Variants in TRAPPC9 observed in about 807,000 individuals in gnomAD.
TRAPPC9 encodes the protein IKK2 binding protein.
In TRAPPC9, 83 loss-of-function variants were observed where a neutral mutation model predicts 124.0. The ratio of observed to expected loss-of-function variants is 0.67; its 90% confidence interval spans 0.56 to 0.80. The LOEUF is 0.80. Ranked by LOEUF, TRAPPC9 falls within the 30% of genes least tolerant of loss-of-function variation. TRAPPC9 has a pLI of 0.00. For synonymous variants in TRAPPC9, 638 were observed against 617.5 expected (o/e 1.03, Z -0.49); for missense variants, 1,302 against 1,508.3 (o/e 0.86, Z 2.27).
chr8:140,334,667 A>G (rs1017787942), intron 9 of TRAPPC9, among the ~76,000 whole-genome samples: 3 of 151,550 alleles, frequency 2.0e-5, no homozygotes, highest in Non-Finnish European at 4.4e-5. Context: ...ATAAATAAAT[A>G]AATAAATAAA....
intron 17 of TRAPPC9, among the ~76,000 whole-genome samples, chr8:140,056,246 A>G (rs1480183525): frequency 6.8e-6 from 1 of 146,768 alleles, no homozygotes; most frequent in Admixed American, 6.6e-5. Flanking sequence ...CCATCTCTAC[A>G]GAAAGAAAAA....
intron 9 of TRAPPC9, among the ~76,000 whole-genome samples, chr8:140,315,989 T>C (rs2066432915): frequency 1.3e-5 from 2 of 152,198 alleles, no homozygotes; most frequent in African/African-American, 2.4e-5. Context: ...TCCTTATGGA[T>C]TGTATCTTTG....
At chr8:140,147,276 G>A (rs918680211) in intron 17 of TRAPPC9, among the ~76,000 whole-genome samples, 3 of 152,192 alleles carry the variant, frequency 2.0e-5, no homozygotes, top group Admixed American at 1.3e-4. Context: ...AACCTCTTTC[G>A]ATGTCTGGAT....
chr8:140,162,876 T>C (rs1303505574), intron 17 of TRAPPC9, among the ~76,000 whole-genome samples: 2 of 152,040 alleles, frequency 1.3e-5, no homozygotes, highest in Non-Finnish European at 2.9e-5. Flanking sequence ...CTTGTAGTCC[T>C]AGATACTTGG....
chr8:140,219,242 G>A (rs748618048), intron 17 of TRAPPC9, among the ~76,000 whole-genome samples: 9 of 152,184 alleles, frequency 5.9e-5, no homozygotes, highest in Non-Finnish European at 1.0e-4. Context: ...GGCGATCATC[G>A]CGAGGGCAGC....
intron 14 of TRAPPC9, among the ~76,000 whole-genome samples, chr8:140,283,462 T>A (rs910205666): frequency 6.9e-6 from 1 of 145,382 alleles, no homozygotes; most frequent in African/African-American, 2.5e-5. Flanking sequence ...GCCTGGCTAA[T>A]TTTTTTTTTT....
At chr8:139,872,954 G>A (rs1829097581) in intron 21 of TRAPPC9, among the ~76,000 whole-genome samples, 1 of 101,434 alleles carries the variant, frequency 9.9e-6, no homozygotes, top group African/African-American at 3.9e-5. Context: ...ATGGGTTGGT[G>A]GGTAAATGGT....
At chr8:139,995,436 C>T (rs1224998180) in intron 18 of TRAPPC9, among the ~76,000 whole-genome samples, 4 of 152,108 alleles carry the variant, frequency 2.6e-5, no homozygotes, top group Non-Finnish European at 5.9e-5. Flanking sequence ...CAGGCTCACA[C>T]ACCTCCCTGA....
At chr8:140,172,764 C>A (rs1252837777) in intron 17 of TRAPPC9, among the ~76,000 whole-genome samples, 1 of 152,156 alleles carries the variant, frequency 6.6e-6, no homozygotes, top group East Asian at 1.9e-4. Context: ...AAAAATAATT[C>A]TCCTAACCAA....
At chr8:139,769,500 G>A (rs1820810634) in intron 21 of TRAPPC9, among the ~76,000 whole-genome samples, 2 of 152,172 alleles carry the variant, frequency 1.3e-5, no homozygotes, top group South Asian at 4.1e-4. Context: ...TAAAACCTAC[G>A]AATTGTTTAT....
At position 139,818,583 on chromosome 8, in the gene TRAPPC9, A is replaced by AAAAG. The variant is rs1189500267; in HGVS notation, c.3055+67292_3055+67295dup. On this transcript the variant is annotated intron_variant, in intron 21 of 22. Transcript: ENST00000438773. ...AGAGCAAGGCTCTGTCTCAAAAAAA[A>AAAAG]AAAGAAAGAAAAAAATAGTAACACA... Among the ~76,000 whole-genome samples, 9 of 152,316 alleles carry AAAAG rather than the reference A, an allele frequency of 5.9e-5. No individual in the cohort carries two copies. In the East Asian group the frequency reaches 1.7e-3, roughly 29 times the overall value.
chr8:140,453,350 C>A (rs369207917), intron 1 of TRAPPC9, among the ~76,000 whole-genome samples: 1 of 152,278 alleles, frequency 6.6e-6, no homozygotes, highest in East Asian at 1.9e-4. Context: ...CCCAAAACTG[C>A]ATAACCTTCA....
At chr8:140,266,814 C>A (rs1328080476) in intron 15 of TRAPPC9, among the ~76,000 whole-genome samples, 1 of 149,444 alleles carries the variant, frequency 6.7e-6, no homozygotes, top group East Asian at 2.1e-4. Context: ...GAGCCGAGAT[C>A]GCGCCACTGC....
chr8:139,978,589 C>T (rs1836650293), intron 19 of TRAPPC9, among the ~76,000 whole-genome samples: 1 of 152,214 alleles, frequency 6.6e-6, no homozygotes, highest in Non-Finnish European at 1.5e-5. Flanking sequence ...CCGAGCATTG[C>T]TGCTTGTTGA....
chr8:139,901,490 CAGA>C (rs1051352250), intron 20 of TRAPPC9, among the ~76,000 whole-genome samples: 1 of 152,150 alleles, frequency 6.6e-6, no homozygotes, highest in African/African-American at 2.4e-5. Flanking sequence ...CCCAACTGGA[CAGA>C]AGATGTCACA....
At chr8:140,117,381 G>A (rs2060908416) in intron 17 of TRAPPC9, among the ~76,000 whole-genome samples, 1 of 152,164 alleles carries the variant, frequency 6.6e-6, no homozygotes, top group African/African-American at 2.4e-5. Flanking sequence ...TCACAGTTCT[G>A]GAGGCTGGGA....
intron 21 of TRAPPC9, among the ~76,000 whole-genome samples, chr8:139,835,538 G>A (rs781724828): frequency 2.0e-5 from 3 of 152,176 alleles, no homozygotes; most frequent in East Asian, 1.9e-4. Context: ...TTGTATCCAC[G>A]AGACATCCTC....
chr8:139,743,921 G>A (rs557498803), intron 21 of TRAPPC9, among the ~76,000 whole-genome samples: 3 of 152,230 alleles, frequency 2.0e-5, no homozygotes, highest in Non-Finnish European at 4.4e-5. Flanking sequence ...TTTCACTTTG[G>A]CTGTTAGGAA....
chr8:139,900,657 A>G (rs1181399807), intron 20 of TRAPPC9, among the ~76,000 whole-genome samples: 2 of 152,212 alleles, frequency 1.3e-5, no homozygotes, highest in African/African-American at 4.8e-5. Flanking sequence ...GTTCACTTCC[A>G]AATCTTTGAA....
Sources: gnomAD v4.1 joint callset for allele counts (sites outside exome capture counted in the v4.1 genomes callset) on GRCh38, gnomAD v4.1.1 for gene constraint, MANE v1.5 for transcripts, NCBI Gene and HGNC (gene_info 2026-07-23, HGNC 2026-07-21) for gene names.